NFIC: variants seen among roughly 807,000 people sequenced by gnomAD.
NFIC encodes nuclear factor I C, also known as nuclear factor 1 C-type.
Under a neutral mutation model 54.4 loss-of-function variants are expected in NFIC, and 12 were observed. The observed-to-expected ratio is 0.22, with a 90% CI of 0.14 to 0.36. The LOEUF is 0.36. Ranked by LOEUF, NFIC falls within the 10% of genes least tolerant of loss-of-function variation. The pLI is 1.00. For synonymous variants in NFIC, 322 were observed against 319.2 expected (o/e 1.01, Z -0.09); for missense variants, 575 against 718.2 (o/e 0.80, Z 2.28).
chr19:3,372,846 A>G (rs1168596980), intron 1 of NFIC, among the ~76,000 whole-genome samples: 2 of 147,674 alleles, frequency 1.4e-5, no homozygotes, highest in African/African-American at 5.0e-5. Flanking sequence ...CTTTCATAGT[A>G]GACTTTTTTT....
At chr19:3,416,886 CT>C (rs371348767) in intron 2 of NFIC, among the ~76,000 whole-genome samples, 61,982 of 131,832 alleles carry the variant, frequency 0.47, 16,229 homozygotes, top group African/African-American at 0.75. Context: ...AATCCCAGTG[CT>C]TTTTTTTTTT....
chr19:3,442,094 C>T (rs2082302800), intron 6 of NFIC, among the ~76,000 whole-genome samples: 1 of 152,234 alleles, frequency 6.6e-6, no homozygotes, highest in African/African-American at 2.4e-5. Context: ...GCAAGACCCC[C>T]ACCCCACACC....
chr19:3,370,404 C>T lies in NFIC; in HGVS notation c.30+3738C>T, dbSNP rs904461025. 6.6e-5 allele frequency among the ~76,000 whole-genome samples: 10 copies of T among 151,866 alleles called. No homozygotes were observed. The highest frequency in any genetic ancestry group is 9.7e-5 in the African/African-American group (4 of 41,346). ...GTTTCTCCCCCTCCCCTCTCTGCGG[C>T]GGAGGTGCCTCTGCGCGCCAGGGCC... is the stretch of plus-strand genomic sequence containing the variant. On this transcript the variant is annotated intron_variant, in intron 1 of 10. Coordinates refer to ENST00000443272, the MANE Select transcript of NFIC (RefSeq NM_001245002.2). This position sits in a 1 kb window ranked among gnomAD's most constrained non-coding sequence, Gnocchi z 5.2.
intron 1 of NFIC, chr19:3,371,484 CACGAATGAATGAATGAATGA>C (rs2081009407): frequency 6.6e-6 from 1 of 150,700 alleles, no homozygotes; most frequent in Non-Finnish European, 1.5e-5. Context: ...ATACCTGTTG[CACGAATGAATGAATGAATGA>C]ATGAATGAAT....
intron 3 of NFIC, among the ~76,000 whole-genome samples, chr19:3,428,564 T>C (rs901334047): frequency 2.6e-5 from 4 of 151,770 alleles, no homozygotes; most frequent in Non-Finnish European, 4.4e-5. Context: ...TCTCGGAGGT[T>C]CACAGGCCTG....
chr19:3,418,914 C>G (rs752697147), intron 2 of NFIC, among the ~76,000 whole-genome samples: 4 of 152,162 alleles, frequency 2.6e-5, no homozygotes, highest in Non-Finnish European at 5.9e-5. Context: ...AGATTCTGAC[C>G]AGGCTACTCA....
Position 3,463,483 on chromosome 19 carries a change from C to G in NFIC, c.*714C>G, listed in dbSNP as rs986685625. ...TGAGGCCCAGGCACCTGCTGCCCCT[C>G]GAGGGGGCCCTGCCTGCCGCGGGGC... On this transcript the variant is annotated 3_prime_UTR_variant, in exon 11 of 11. Coordinates refer to ENST00000443272, the MANE Select transcript of NFIC (RefSeq NM_001245002.2). 1.0e-6 allele frequency: 1 copy of G among 985,378 alleles called. No individual in the cohort carries two copies. The highest frequency in any genetic ancestry group is 1.2e-6 in the Non-Finnish European group (1 of 829,968). 61.0% of individuals were successfully genotyped at this position (985,378 alleles called of 1,614,324 possible). A position where few individuals can be genotyped will look rare whatever the true frequency, so the allele number is the denominator to read the frequency against.
At position 3,417,034 on chromosome 19, in the gene NFIC, C is replaced by T. The variant is rs370505961; in HGVS notation, c.563-8072C>T. Reference sequence around the variant, plus strand: ...GAGCAGCTGGGACTACAGGCGCCCGCCACCAGGCCCAGCTAATTTTTTTTG... The same window carrying T: ...GAGCAGCTGGGACTACAGGCGCCCGTCACCAGGCCCAGCTAATTTTTTTTG... On this transcript the variant is annotated intron_variant, in intron 2 of 10. Transcript: ENST00000443272. Among the ~76,000 whole-genome samples the T allele has an allele frequency of 6.4e-4, 92 of 144,142 alleles. 1 individual carries two copies. Among genetic ancestry groups the T allele is most frequent in the South Asian group, 4.5e-3 (20 of 4,480 alleles). The allele number at this position is 144,142 out of a possible 152,430, so 94.6% of individuals were successfully genotyped here.
rs1037164596 is a variant in NFIC, at chr19:3,459,027, G to C, written c.1509+2392G>C. On this transcript the variant is annotated intron_variant, in intron 10 of 10. Coordinates refer to ENST00000443272, the MANE Select transcript of NFIC (RefSeq NM_001245002.2). This position sits in a 1 kb window ranked among gnomAD's most constrained non-coding sequence, Gnocchi z 4.2. ...CCTGCAGACCCCGGAGAGAGGGAGG[G>C]AAGAAGCAGTGAGATCCCGCTCTCC... 1.2e-4 allele frequency among the ~76,000 whole-genome samples: 19 copies of C among 152,038 alleles called. 1 individual carries two copies. The highest frequency in any genetic ancestry group is 7.2e-4 in the Admixed American group (11 of 15,272).
At chr19:3,371,094 G>A (rs1045664223) in intron 1 of NFIC, among the ~76,000 whole-genome samples, 1 of 152,208 alleles carries the variant, frequency 6.6e-6, no homozygotes, top group Non-Finnish European at 1.5e-5. Flanking sequence ...TGCTCAGGAG[G>A]TGCCAAACCC....
intron 2 of NFIC, among the ~76,000 whole-genome samples, chr19:3,414,668 G>T (rs1308471097): frequency 6.6e-6 from 1 of 151,700 alleles, no homozygotes; most frequent in Non-Finnish European, 1.5e-5. Context: ...ACCATACTTA[G>T]CTGACTGTGC....
In NFIC at chr19:3,375,786, G is replaced by A. The variant is rs954156360; in HGVS notation, c.31-5926G>A. On this transcript the variant is annotated intron_variant, in intron 1 of 10. Coordinates refer to ENST00000443272, the MANE Select transcript of NFIC (RefSeq NM_001245002.2). The surrounding 1 kb of genome is among the most constrained non-coding windows in gnomAD (Gnocchi z 4.6). The stretch of plus-strand genomic sequence containing the variant: ...ACGGCCGGAGGTGGCCCAAGGGGAC[G>A]TGGAGCACAGAGCAGGGAGGGTGAT... Among the ~76,000 whole-genome samples the A allele has an allele frequency of 1.1e-4, 17 of 152,168 alleles. No homozygotes were observed. The highest frequency in any genetic ancestry group is 2.2e-4 in the Non-Finnish European group (15 of 68,032).
chr19:3,445,055 AC>A lies in NFIC; in HGVS notation c.959-3958del, dbSNP rs537454270. 1.8e-3 allele frequency among the ~76,000 whole-genome samples: 276 copies of A among 152,040 alleles called. 1 individual carries two copies. The highest frequency in any genetic ancestry group is 3.6e-3 in the Non-Finnish European group (242 of 67,958). The stretch of plus-strand genomic sequence containing the variant: ...CATACACAGATATGAACGTGCATGT[AC>A]AGGCATACATATGCAGGCGTGCACA... On this transcript the variant is annotated intron_variant, in intron 6 of 10. Transcript: ENST00000443272.
At position 3,413,873 on chromosome 19, in the gene NFIC, G is replaced by A. The variant is rs181502522; in HGVS notation, c.563-11233G>A. Among the ~76,000 whole-genome samples the A allele has an allele frequency of 4.6e-5, 7 of 152,086 alleles. 1 individual carries two copies. The highest frequency in any genetic ancestry group is 1.7e-4 in the African/African-American group (7 of 41,488). ...GCTGGTCTCAAACTCCAGGCCTCAG[G>A]TGATCCTCCCACCTCAGCCTCCCAA... On this transcript the variant is annotated intron_variant, in intron 2 of 10. Transcript: ENST00000443272.
Position 3,463,966 on chromosome 19 carries a change from G to A in NFIC, c.*1197G>A, listed in dbSNP as rs900629852. On this transcript the variant is annotated 3_prime_UTR_variant, in exon 11 of 11. Transcript: ENST00000443272. ...CAACCCTCATCGCCGTGCCCCCCCA[G>A]AGCTAGAGAGATGGGGCCCCTGCGT... 5 of 981,186 alleles carry A rather than the reference G, an allele frequency of 5.1e-6. No individual in the cohort carries two copies. Among genetic ancestry groups the A allele is most frequent in the Non-Finnish European group, 6.0e-6 (5 of 829,008 alleles). 60.8% of individuals were successfully genotyped at this position (981,186 alleles called of 1,614,324 possible). A position where few individuals can be genotyped will look rare whatever the true frequency, so the allele number is the denominator to read the frequency against.
intron 6 of NFIC, among the ~76,000 whole-genome samples, chr19:3,435,987 C>T (rs1048289452): frequency 6.6e-6 from 1 of 151,488 alleles, no homozygotes; most frequent in Non-Finnish European, 1.5e-5. Flanking sequence ...CCACCATGCC[C>T]GGCTAATTTT....
chr19:3,396,489 A>T (rs2081465998), intron 2 of NFIC, among the ~76,000 whole-genome samples: 1 of 151,602 alleles, frequency 6.6e-6, no homozygotes, highest in Admixed American at 6.6e-5. Flanking sequence ...AAAAAAAAAA[A>T]AAGTGTGTGT....
chr19:3,397,317 GC>G (rs2145523717), intron 2 of NFIC, among the ~76,000 whole-genome samples: 1 of 152,338 alleles, frequency 6.6e-6, no homozygotes, highest in East Asian at 1.9e-4. Flanking sequence ...ACATAAAGGG[GC>G]TGTTTGGGGT....
At chr19:3,377,832 G>A (rs779331924) in intron 1 of NFIC, among the ~76,000 whole-genome samples, 19 of 152,024 alleles carry the variant, frequency 1.2e-4, no homozygotes, top group Non-Finnish European at 2.5e-4. Context: ...ATGTTGGTCA[G>A]GCTGCTCTCA....
Sources: allele counts gnomAD v4.1 joint callset (sites outside exome capture counted in the v4.1 genomes callset), GRCh38; gene constraint gnomAD v4.1.1; non-coding constraint Gnocchi (gnomAD v3.1); transcripts MANE v1.5; gene names NCBI Gene and HGNC (gene_info 2026-07-23, HGNC 2026-07-21).